RIMS1: variants seen among roughly 807,000 people sequenced by gnomAD.
RIMS1 encodes the protein regulating synaptic membrane exocytosis protein 1.
RIMS1 carries 83 observed loss-of-function variants against 214.1 expected under a neutral mutation model. The ratio of observed to expected loss-of-function variants is 0.39; its 90% CI spans 0.32 to 0.47. RIMS1 has a LOEUF of 0.47. RIMS1 is among the 20% of genes least tolerant of loss of function. The pLI, the probability that RIMS1 is intolerant of heterozygous loss-of-function variation, is 0.99. For synonymous variants in RIMS1, 793 were observed against 786.8 expected (o/e 1.01, Z -0.13); for missense variants, 2,050 against 2,161.8 (o/e 0.95, Z 1.03).
At chr6:72,239,033 T>A (rs998726850) in intron 9 of RIMS1, among the ~76,000 whole-genome samples, 7 of 152,166 alleles carry the variant, frequency 4.6e-5, no homozygotes, top group African/African-American at 1.7e-4. Context: ...TGTTATTTCT[T>A]ATGAAGGACC....
chr6:72,277,514 G>A (rs1267973709), intron 23 of RIMS1, among the ~76,000 whole-genome samples: 2 of 151,750 alleles, frequency 1.3e-5, no homozygotes, highest in African/African-American at 2.4e-5. Flanking sequence ...CCCGGGAGGC[G>A]GAGCTTGCAG....
intron 12 of RIMS1, among the ~76,000 whole-genome samples, chr6:72,249,502 A>G (rs2072020399): frequency 6.6e-6 from 1 of 152,164 alleles, no homozygotes; most frequent in Admixed American, 6.6e-5. Context: ...AATTCTAAAA[A>G]TTAAATGACG....
chr6:71,893,440 T>C (rs941573032), intron 1 of RIMS1, among the ~76,000 whole-genome samples: 1 of 151,990 alleles, frequency 6.6e-6, no homozygotes, highest in Non-Finnish European at 1.5e-5. Flanking sequence ...AGAAGAGAAA[T>C]TAGCTTGGGG....
intron 6 of RIMS1, among the ~76,000 whole-genome samples, chr6:72,207,879 A>C (rs946275342): frequency 1.3e-5 from 2 of 152,178 alleles, no homozygotes; most frequent in African/African-American, 4.8e-5. Context: ...TGAAAGAGGA[A>C]TCTCTAATCT....
At chr6:72,379,029 T>C (rs1320995710) in intron 29 of RIMS1, among the ~76,000 whole-genome samples, 1 of 152,188 alleles carries the variant, frequency 6.6e-6, no homozygotes, top group Non-Finnish European at 1.5e-5. Context: ...CTTCCAGACA[T>C]GAAACTGTAG....
chr6:72,226,593 T>C (rs895165724), intron 6 of RIMS1, among the ~76,000 whole-genome samples: 1 of 152,054 alleles, frequency 6.6e-6, no homozygotes, highest in Admixed American at 6.6e-5. Context: ...GCTTACAACC[T>C]ATTAGAAAAT....
At chr6:71,906,076 C>T (rs767981616) in intron 1 of RIMS1, among the ~76,000 whole-genome samples, 12 of 152,086 alleles carry the variant, frequency 7.9e-5, no homozygotes, top group African/African-American at 2.9e-4. Context: ...ACCCATTTTT[C>T]TAACTTTCAG....
Position 71,886,835 on chromosome 6 carries a change from C to A in RIMS1, c.-189C>A. 1 of 645,516 alleles carries A rather than the reference C, an allele frequency of 1.5e-6. No homozygotes were observed. The highest frequency in any genetic ancestry group is 2.7e-6 in the Non-Finnish European group (1 of 374,732). The allele number at this position is 645,516 out of a possible 1,614,324, so 40.0% of individuals were successfully genotyped here. A position where few individuals can be genotyped will look rare whatever the true frequency, so the allele number is the denominator to read the frequency against. On this transcript the variant is annotated 5_prime_UTR_variant, in exon 1 of 34. Coordinates refer to ENST00000521978, the MANE Select transcript of RIMS1 (RefSeq NM_014989.7). Reference sequence around the variant, plus strand: ...TCCGGGGCTGGGTGGATGCAAACAACCATGAAAGACTGGGTTCTCGCTCTC... The same window carrying A: ...TCCGGGGCTGGGTGGATGCAAACAAACATGAAAGACTGGGTTCTCGCTCTC...
At chr6:72,026,626 C>A (rs943545296) in intron 2 of RIMS1, among the ~76,000 whole-genome samples, 3 of 151,954 alleles carry the variant, frequency 2.0e-5, no homozygotes, top group African/African-American at 7.3e-5. Flanking sequence ...GATGTTCTAC[C>A]ATTCCTTTCT....
chr6:72,307,488 G>A lies in RIMS1; in HGVS notation c.3963+118G>A, dbSNP rs117780609. The A allele has an allele frequency of 9.1e-3, 5,677 of 623,354 alleles. 36 individuals are homozygous for A. The highest frequency in any genetic ancestry group is 0.013 in the Non-Finnish European group (4,696 of 374,870). The allele number at this position is 623,354 out of a possible 1,614,324, so 38.6% of individuals were successfully genotyped here. A position where few individuals can be genotyped will look rare whatever the true frequency, so the allele number is the denominator to read the frequency against. On this transcript the variant is annotated intron_variant, in intron 27 of 33. Coordinates refer to ENST00000521978, the MANE Select transcript of RIMS1 (RefSeq NM_014989.7). ...GAAGTTATCATTTGGGCCGGGCATG[G>A]TAGCTCACACCTGTAATCCCAGCAG...
intron 1 of RIMS1, among the ~76,000 whole-genome samples, chr6:71,935,482 C>T (rs934812077): frequency 6.6e-6 from 1 of 152,158 alleles, no homozygotes; most frequent in Non-Finnish European, 1.5e-5. Context: ...TAATTAAAAT[C>T]TGTTAAAAAT....
intron 2 of RIMS1, among the ~76,000 whole-genome samples, chr6:72,066,460 G>A (rs1829316110): frequency 6.6e-6 from 1 of 152,064 alleles, no homozygotes; most frequent in African/African-American, 2.4e-5. Context: ...TTTTGCTACT[G>A]ACTGCAGATG....
chr6:72,338,786 G>T (rs2096936934), intron 29 of RIMS1, among the ~76,000 whole-genome samples: 1 of 151,212 alleles, frequency 6.6e-6, no homozygotes, highest in Admixed American at 6.6e-5. Flanking sequence ...TCTCATAACT[G>T]ATTGGGCCTG....
rs557781143 is a variant in RIMS1, at chr6:72,133,426, T to C, written c.471+33440T>C. Among the ~76,000 whole-genome samples, 4 of 152,266 alleles carry C rather than the reference T, an allele frequency of 2.6e-5. No individual in the cohort carries two copies. The South Asian group carries it at 6.2e-4, about 24-fold the overall frequency. ...AAGAATCTTACAACTTCAGAGGATA[T>C]TCAAAACTAGAAAAACAGACACAAG... On this transcript the variant is annotated intron_variant, in intron 4 of 33. Transcript: ENST00000521978.
chr6:71,904,752 A>G (rs1210892964), intron 1 of RIMS1, among the ~76,000 whole-genome samples: 1 of 152,218 alleles, frequency 6.6e-6, no homozygotes, highest in African/African-American at 2.4e-5. Flanking sequence ...TGGAATATAT[A>G]AGTCAACTGG....
intron 4 of RIMS1, among the ~76,000 whole-genome samples, chr6:72,149,699 C>T (rs770587584): frequency 2.6e-4 from 40 of 152,210 alleles, no homozygotes; most frequent in Non-Finnish European, 5.0e-4. Context: ...TTCACTCACC[C>T]TCTGACAATC....
chr6:71,962,921 T>G (rs1365481580), intron 1 of RIMS1, among the ~76,000 whole-genome samples: 26 of 152,048 alleles, frequency 1.7e-4, no homozygotes. Context: ...GTATTGCCAT[T>G]GGTCTTAAGG....
intron 23 of RIMS1, among the ~76,000 whole-genome samples, chr6:72,282,436 G>A (rs79423759): frequency 6.6e-6 from 1 of 152,060 alleles, no homozygotes; most frequent in Non-Finnish European, 1.5e-5. Flanking sequence ...AAGCAATAAA[G>A]TAAATAAGAA....
At chr6:72,124,772 C>G (rs2039155339) in intron 4 of RIMS1, among the ~76,000 whole-genome samples, 1 of 152,084 alleles carries the variant, frequency 6.6e-6, no homozygotes. Flanking sequence ...ATCCAATCGG[C>G]TACTGAAGCT....
Sources: allele counts gnomAD v4.1 joint callset (sites outside exome capture counted in the v4.1 genomes callset), GRCh38; gene constraint gnomAD v4.1.1; transcripts MANE v1.5; gene names NCBI Gene and HGNC (gene_info 2026-07-23, HGNC 2026-07-21).